The following PTPRF variants were observed in gnomAD, a reference collection of about 807,000 sequenced individuals.
The protein encoded by PTPRF is receptor-type tyrosine-protein phosphatase F.
PTPRF carries 59 observed loss-of-function variants against 201.8 expected under a neutral mutation model. That is an observed-to-expected ratio of 0.29 (90% CI 0.24 to 0.36). PTPRF has a LOEUF of 0.36. Among genes scored for constraint, PTPRF ranks in the 10% least tolerant of loss-of-function variants. PTPRF has a pLI of 1.00. For synonymous variants in PTPRF, 1,088 were observed against 1,089.7 expected (o/e 1.00, Z 0.03); for missense variants, 2,132 against 2,690.5 (o/e 0.79, Z 4.59).
chr1:43,564,407 C>G (rs1030152385), intron 5 of PTPRF, among the ~76,000 whole-genome samples: 4 of 152,166 alleles, frequency 2.6e-5, no homozygotes, highest in African/African-American at 9.7e-5. Context: ...GCATGTGTCT[C>G]CAGGCGCACG....
rs1004691511 is a variant in PTPRF at position 43,619,041 on chromosome 1, C to T, written c.4492-7C>T. 1.2e-6 allele frequency: 2 copies of T among 1,611,256 alleles called. No homozygotes were observed. The highest frequency in any genetic ancestry group is 1.7e-6 in the Non-Finnish European group (2 of 1,177,784). ...AGTCGCCAGTATGTCCCCACTTTGTCCCCCAGAGTGGCTCCAGTGAGAAGC... is the reference window on the plus strand; with the variant it reads ...AGTCGCCAGTATGTCCCCACTTTGTTCCCCAGAGTGGCTCCAGTGAGAAGC... On this transcript the variant is annotated splice_polypyrimidine_tract_variant and splice_region_variant and intron_variant, in intron 26 of 33. Coordinates refer to ENST00000359947, the MANE Select transcript of PTPRF (RefSeq NM_002840.5).
upstream of PTPRF, among the ~76,000 whole-genome samples, chr1:43,526,348 G>A (rs79271942): frequency 5.3e-3 from 811 of 152,168 alleles, 4 homozygotes; most frequent in African/African-American, 0.019. Context: ...TAATCCCAGC[G>A]CTTTGGGAGG....
chr1:43,587,052 C>G (rs1046936841), intron 7 of PTPRF, among the ~76,000 whole-genome samples: 2 of 152,216 alleles, frequency 1.3e-5, no homozygotes, highest in Admixed American at 1.3e-4. Flanking sequence ...CCCACCAGCA[C>G]CTGTCAGGCC....
In PTPRF at chr1:43,536,309, G is replaced by A. The variant is rs543322176; in HGVS notation, c.-125-1889G>A. ...GAGGTCAGTTTGATCCCAGACTGAC[G>A]TGGTTCAAAGTTACTGTTTGGCTTT... On this transcript the variant is annotated intron_variant, in intron 1 of 33. Transcript: ENST00000359947. 4.9e-4 allele frequency among the ~76,000 whole-genome samples: 74 copies of A among 152,310 alleles called. 1 individual carries two copies. The highest frequency in any genetic ancestry group is 1.4e-3 in the African/African-American group (59 of 41,556).
intron 22 of PTPRF, among the ~76,000 whole-genome samples, chr1:43,611,300 G>T (rs1656390855): frequency 6.6e-6 from 1 of 152,256 alleles, no homozygotes; most frequent in African/African-American, 2.4e-5. Flanking sequence ...GGAGTGCAGA[G>T]AAGCCTCTTC....
At chr1:43,582,975 A>T in intron 7 of PTPRF, 1 of 760,170 alleles carries the variant, frequency 1.3e-6, no homozygotes, top group Non-Finnish European at 1.6e-6. Flanking sequence ...GTGTGGGCAG[A>T]TGAAGGTTGG....
In PTPRF at chr1:43,598,070, G is replaced by A; in HGVS notation, c.2119+17G>A. On this transcript the variant is annotated intron_variant, in intron 12 of 33. Transcript: ENST00000359947. ...ATGAGGACGGTAGGCAGTGCCACCGGGGCGGGAGGGGAGGCGTTCTGCCTC... is the reference window on the plus strand; with the variant it reads ...ATGAGGACGGTAGGCAGTGCCACCGAGGCGGGAGGGGAGGCGTTCTGCCTC... 1 of 1,454,404 alleles carries A rather than the reference G, an allele frequency of 6.9e-7. No individual in the cohort carries two copies. Among genetic ancestry groups the A allele is most frequent in the Non-Finnish European group, 9.1e-7 (1 of 1,097,930 alleles). The allele number at this position is 1,454,404 out of a possible 1,614,324, so 90.1% of individuals were successfully genotyped here.
intron 6 of PTPRF, among the ~76,000 whole-genome samples, chr1:43,576,899 G>T (rs1646965120): frequency 6.6e-6 from 1 of 152,186 alleles, no homozygotes. Context: ...GTGCTATCTT[G>T]CCCATCACCC....
At chr1:43,584,663 T>G (rs1648653854) in intron 7 of PTPRF, among the ~76,000 whole-genome samples, 1 of 152,246 alleles carries the variant, frequency 6.6e-6, no homozygotes, top group Non-Finnish European at 1.5e-5. Flanking sequence ...GGTAATTTGT[T>G]TGGTGCTGAT....
intron 3 of PTPRF, among the ~76,000 whole-genome samples, chr1:43,545,402 T>C (rs1644597720): frequency 6.6e-6 from 1 of 152,102 alleles, no homozygotes; most frequent in Non-Finnish European, 1.5e-5. Flanking sequence ...GACCCTGTCT[T>C]ATGGGGCTGG....
intron 1 of PTPRF, among the ~76,000 whole-genome samples, chr1:43,534,850 G>C (rs920773260): frequency 1.3e-5 from 2 of 152,196 alleles, no homozygotes; most frequent in African/African-American, 4.8e-5. Flanking sequence ...TTTACTAGCA[G>C]CGTGACTTTA....
intron 22 of PTPRF, among the ~76,000 whole-genome samples, chr1:43,611,595 G>T (rs146149296): frequency 1.3e-5 from 2 of 152,130 alleles, no homozygotes; most frequent in African/African-American, 4.8e-5. Flanking sequence ...GGTTTTCAGC[G>T]GGGGAGCCAG....
At chr1:43,614,016 A>C (rs1427236454) in intron 23 of PTPRF, among the ~76,000 whole-genome samples, 1 of 152,208 alleles carries the variant, frequency 6.6e-6, no homozygotes, top group African/African-American at 2.4e-5. Flanking sequence ...ACAGGCAGAC[A>C]CAAGGCCACA....
intron 11 of PTPRF, among the ~76,000 whole-genome samples, chr1:43,594,163 C>T (rs1398184948): frequency 6.6e-6 from 1 of 152,052 alleles, no homozygotes; most frequent in African/African-American, 2.4e-5. Flanking sequence ...TGGAATGAAT[C>T]CATGAATACA....
At chr1:43,527,400 T>G (rs893232209), upstream of PTPRF, among the ~76,000 whole-genome samples, 1 of 152,228 alleles carries the variant, frequency 6.6e-6, no homozygotes. Context: ...CACCTGAGCT[T>G]CTCATCCATG....
Position 43,530,930 on chromosome 1 carries a change from C to G in PTPRF, c.-286C>G, listed in dbSNP as rs1454606029. 1.7e-4 allele frequency: 25 copies of G among 151,198 alleles called. No individual in the cohort carries two copies. The highest frequency in any genetic ancestry group is 3.4e-4 in the Non-Finnish European group (24 of 69,786). 9.4% of individuals were successfully genotyped at this position (151,198 alleles called of 1,614,324 possible). A position where few individuals can be genotyped will look rare whatever the true frequency, so the allele number is the denominator to read the frequency against. On this transcript the variant is annotated 5_prime_UTR_variant, in exon 1 of 34. Coordinates refer to ENST00000359947, the MANE Select transcript of PTPRF (RefSeq NM_002840.5). This position sits in a 1 kb window ranked among gnomAD's most constrained non-coding sequence, Gnocchi z 4.1. Reference sequence around the variant, plus strand: ...GAGGCGGCGGCTCCAGCTTCGGCTCCGGCTCGGGCTCGGGCTCCGGCTCCG... The same window carrying G: ...GAGGCGGCGGCTCCAGCTTCGGCTCGGGCTCGGGCTCGGGCTCCGGCTCCG...
chr1:43,553,587 C>T lies in PTPRF; in HGVS notation c.187C>T (p.Arg63Cys), dbSNP rs1160984093. Reference protein sequence around the residue: ...VCQATGEPKPRITWMKKGKKV... With the variant: ...VCQATGEPKPCITWMKKGKKV... ...CCAAGCTACAGGAGAACCCAAGCCG[C>T]GCATCACATGGATGAAGAAGGGGAA... The change falls in exon 4 of 34, where the codon CGC becomes TGC. Residue 63 changes from arginine (R) to cysteine (C), a missense_variant. Arg to Cys is a radical substitution (Grantham distance 180, BLOSUM62 -3). Transcript: ENST00000359947. The surrounding 1 kb of genome is among the most constrained non-coding windows in gnomAD (Gnocchi z 4.1). 6 of 1,614,048 alleles carry T rather than the reference C, an allele frequency of 3.7e-6. No homozygotes were observed. The highest frequency in any genetic ancestry group is 4.2e-6 in the Non-Finnish European group (5 of 1,180,044).
intron 5 of PTPRF, among the ~76,000 whole-genome samples, chr1:43,565,986 C>T (rs2478978): frequency 0.21 from 31,785 of 152,220 alleles, 4,071 homozygotes; most frequent in South Asian, 0.41. Flanking sequence ...GGGGACTCAG[C>T]GTGACTGGTG....
chr1:43,547,226 C>T (rs1220515754), intron 3 of PTPRF, among the ~76,000 whole-genome samples: 1 of 152,196 alleles, frequency 6.6e-6, no homozygotes, highest in Non-Finnish European at 1.5e-5. Context: ...AGTGGTTCAC[C>T]AATTCCCAGT....
Sources: allele counts gnomAD v4.1 joint callset (sites outside exome capture counted in the v4.1 genomes callset), GRCh38; gene constraint gnomAD v4.1.1; non-coding constraint Gnocchi (gnomAD v3.1); transcripts MANE v1.5; gene names NCBI Gene and HGNC (gene_info 2026-07-23, HGNC 2026-07-21).